LRBA: variants seen among roughly 807,000 people sequenced by gnomAD.
The protein encoded by LRBA is lipopolysaccharide-responsive and beige-like anchor protein.
Under a neutral mutation model 330.0 loss-of-function variants are expected in LRBA, and 176 were observed. The observed-to-expected ratio is 0.53, with a 90% confidence interval of 0.47 to 0.60. The LOEUF is 0.60. Ranked by LOEUF, LRBA falls within the 20% of genes least tolerant of loss-of-function variation. The pLI is 0.00. For synonymous variants in LRBA, 1,230 were observed against 1,193.0 expected, an observed-to-expected ratio of 1.03 and a Z score of -0.64; for missense variants, 3,259 against 3,444.8, an observed-to-expected ratio of 0.95 and a Z score of 1.35.
At chr4:150,922,551 T>C (rs1053508966) in intron 4 of LRBA, among the ~76,000 whole-genome samples, 2 of 152,032 alleles carry the variant, frequency 1.3e-5, no homozygotes, top group Non-Finnish European at 2.9e-5. Flanking sequence ...CTCACTGATA[T>C]GTGGGAGCTA....
At chr4:150,463,437 TC>T (rs1191475396) in intron 44 of LRBA, among the ~76,000 whole-genome samples, 2 of 152,034 alleles carry the variant, frequency 1.3e-5, no homozygotes, top group African/African-American at 4.8e-5. Context: ...ACAATTGAAG[TC>T]ACAAAATTAC....
chr4:150,623,268 C>T (rs1776494624), intron 37 of LRBA, among the ~76,000 whole-genome samples: 1 of 152,186 alleles, frequency 6.6e-6, no homozygotes, highest in South Asian at 2.1e-4. Flanking sequence ...CTCCTTTTGA[C>T]TTAGTGACTT....
At chr4:150,953,418 A>G (rs927466518) in intron 2 of LRBA, among the ~76,000 whole-genome samples, 3 of 111,898 alleles carry the variant, frequency 2.7e-5, no homozygotes, top group African/African-American at 1.0e-4. Context: ...ATGCCGAGCC[A>G]AGGCTGGACT....
In LRBA at chr4:150,266,514, T is replaced by C. The variant is rs571875469; in HGVS notation, c.8469-702A>G. On this transcript the variant is annotated intron_variant, in intron 56 of 56. Transcript: ENST00000651943. ...AACCTAAACTGAGCATAGCCAGATT[T>C]TTCTCTGTGTAGTTTGGTTAGGACC... 2.1e-5 allele frequency among the ~76,000 whole-genome samples: 3 copies of C among 141,738 alleles called. No individual in the cohort carries two copies. In the East Asian group the frequency reaches 6.5e-4, roughly 31 times the overall value. The allele number at this position is 141,738 out of a possible 152,430, so 93.0% of individuals were successfully genotyped here. A position where few individuals can be genotyped will look rare whatever the true frequency, so the allele number is the denominator to read the frequency against.
chr4:150,778,616 T>G (rs1194130015), intron 34 of LRBA, among the ~76,000 whole-genome samples: 2 of 152,200 alleles, frequency 1.3e-5, no homozygotes, highest in Admixed American at 6.5e-5. Context: ...ACTCAAGATC[T>G]TTCACTAATC....
rs139192210 is a variant in LRBA, at chr4:150,865,624, G to A, written c.2766+2047C>T. On this transcript the variant is annotated intron_variant, in intron 22 of 56. Coordinates refer to ENST00000651943, the MANE Select transcript of LRBA (RefSeq NM_001364905.1). ...ATACTTTCTCTCAATGAAGAAAGAG[G>A]AGGAACAATGAATAATTTGTAGGAA... 3.0e-3 allele frequency among the ~76,000 whole-genome samples: 452 copies of A among 152,174 alleles called. 1 individual carries two copies. The highest frequency in any genetic ancestry group is 0.01 in the African/African-American group (416 of 41,528).
intron 40 of LRBA, chr4:150,579,792 C>G (rs1360668389): frequency 2.2e-6 from 1 of 451,964 alleles, no homozygotes; most frequent in Non-Finnish European, 4.4e-6. Context: ...ACCAACTCCG[C>G]CACCCCTGAG....
At chr4:150,618,879 T>C (rs372040109) in intron 37 of LRBA, among the ~76,000 whole-genome samples, 3 of 149,906 alleles carry the variant, frequency 2.0e-5, no homozygotes, top group African/African-American at 7.4e-5. Flanking sequence ...TATACACACA[T>C]ACACACACAT....
intron 42 of LRBA, among the ~76,000 whole-genome samples, chr4:150,486,205 G>A (rs10033240): frequency 0.99 from 150,855 of 151,874 alleles, 74,929 homozygotes; most frequent in Middle Eastern, 1. Context: ...CCTTAAATAT[G>A]TGTAATTTAT....
In LRBA at chr4:150,828,918, TGG is replaced by T. The variant is rs34994399; in HGVS notation, c.4730-299_4730-298del. 0.33 allele frequency among the ~76,000 whole-genome samples: 38,120 copies of T among 114,092 alleles called. 5,418 individuals are homozygous for T. Among genetic ancestry groups the T allele is most frequent in the Non-Finnish European group, 0.37 (20,642 of 55,260 alleles). 74.8% of individuals were successfully genotyped at this position (114,092 alleles called of 152,430 possible). ...GTAAGAAAAAGTCTATAATCTTTTTTGGGGGTGTGTGTGTGTGTGTGTGTGTG... is the reference window on the plus strand; with the variant it reads ...GTAAGAAAAAGTCTATAATCTTTTTTGGGTGTGTGTGTGTGTGTGTGTGTG... On this transcript the variant is annotated intron_variant, in intron 29 of 56. Coordinates refer to ENST00000651943, the MANE Select transcript of LRBA (RefSeq NM_001364905.1).
chr4:150,601,455 CAAAGAT>C (rs78439800), intron 37 of LRBA, among the ~76,000 whole-genome samples: 10,196 of 151,822 alleles, frequency 0.067, 569 homozygotes, highest in East Asian at 0.18. Context: ...TCAAGTAACT[CAAAGAT>C]AATATCTATA....
chr4:150,280,396 A>C (rs1476381662), intron 55 of LRBA, among the ~76,000 whole-genome samples: 1 of 152,206 alleles, frequency 6.6e-6, no homozygotes, highest in Non-Finnish European at 1.5e-5. Flanking sequence ...ACATTCTAAA[A>C]CAGCCTCAGG....
intron 44 of LRBA, among the ~76,000 whole-genome samples, chr4:150,451,193 C>A (rs2152029756): frequency 6.6e-6 from 1 of 152,270 alleles, no homozygotes; most frequent in Middle Eastern, 3.4e-3. Context: ...TGAGCAACGA[C>A]ATCTTCAACC....
chr4:150,485,424 A>G (rs76655501), intron 42 of LRBA, among the ~76,000 whole-genome samples: 3,742 of 152,072 alleles, frequency 0.025, 67 homozygotes, highest in Non-Finnish European at 0.041. Context: ...ACTCCTTAAA[A>G]GCTATATATT....
rs569528296 is a variant in LRBA at position 150,311,449 on chromosome 4, A to G, written c.7694-1065T>C. 5 of 152,318 alleles carry G rather than the reference A, an allele frequency of 3.3e-5. No homozygotes were observed. In the East Asian group the frequency reaches 9.6e-4, roughly 29 times the overall value. The allele number at this position is 152,318 out of a possible 1,614,324, so 9.4% of individuals were successfully genotyped here. ...GCTATTCATTGTATGTAATAACTAT[A>G]TTAATGTGGGTAGTTTAATAGAAAG... is the stretch of plus-strand genomic sequence containing the variant. On this transcript the variant is annotated intron_variant, in intron 51 of 56. Coordinates refer to ENST00000651943, the MANE Select transcript of LRBA (RefSeq NM_001364905.1).
rs1405351934 is a variant in LRBA, at chr4:150,954,292, C to A, written c.217-25227G>T. ...TACCCAACAGCTCATTGAGAACGGG[C>A]CATGATGACGATGGCGGTTTTGTCA... On this transcript the variant is annotated intron_variant, in intron 2 of 56. Transcript: ENST00000651943. Among the ~76,000 whole-genome samples the A allele has an allele frequency of 2.0e-5, 3 of 152,224 alleles. No homozygotes were observed. In the East Asian group the frequency reaches 5.8e-4, roughly 30 times the overall value.
At chr4:150,867,954 C>G in intron 21 of LRBA, 91 bp from the exon 22 acceptor site, 2 of 1,078,634 alleles carry the variant, frequency 1.9e-6, no homozygotes, top group Non-Finnish European at 2.6e-6. Flanking sequence ...CCCTGCCCCT[C>G]CCTTTCCCCC....
At chr4:150,302,519 T>C in intron 53 of LRBA, 106 bp downstream of exon 53, 1 of 580,150 alleles carries the variant, frequency 1.7e-6, no homozygotes, top group Non-Finnish European at 2.8e-6. Flanking sequence ...TAAAAAATAC[T>C]TGATAATCCT....
At chr4:150,650,932 A>C (rs1779647795) in intron 37 of LRBA, among the ~76,000 whole-genome samples, 2 of 152,320 alleles carry the variant, frequency 1.3e-5, no homozygotes, top group African/African-American at 4.8e-5. Flanking sequence ...AAATGGGATT[A>C]ACTAATCCTC....
Sources: gnomAD v4.1 joint callset for allele counts (sites outside exome capture counted in the v4.1 genomes callset) on GRCh38, gnomAD v4.1.1 for gene constraint, MANE v1.5 for transcripts, NCBI Gene and HGNC (gene_info 2026-07-23, HGNC 2026-07-21) for gene names.